Variants in COL8A1 observed in about 807,000 individuals in gnomAD.
The protein encoded by COL8A1 is collagen type VIII alpha 1 chain, also known as collagen alpha-1(VIII) chain.
A neutral mutation model predicts 42.7 loss-of-function variants in COL8A1; 21 were observed. The ratio of observed to expected loss-of-function variants is 0.49; its 90% CI spans 0.35 to 0.71. The LOEUF (loss-of-function observed/expected upper bound fraction) is 0.71. Ranked by LOEUF, COL8A1 falls within the 30% of genes least tolerant of loss-of-function variation. COL8A1 has a pLI of 0.01. For missense variants in COL8A1, 788 were observed against 962.4 expected, an observed-to-expected ratio of 0.82 and a Z score of 2.40; for synonymous variants, 367 against 369.1, an observed-to-expected ratio of 0.99 and a Z score of 0.06.
Position 99,798,656 on chromosome 3 carries a change from G to A in COL8A1, c.*2520G>A, listed in dbSNP as rs1361471583. Reference sequence around the variant, plus strand: ...TGTGTGTGCGCGTGAGCGCACGTGTGTGTATGCGTGCGCATGTGTGTGTAT... The same window carrying A: ...TGTGTGTGCGCGTGAGCGCACGTGTATGTATGCGTGCGCATGTGTGTGTAT... On this transcript the variant is annotated 3_prime_UTR_variant, in exon 4 of 4. Transcript: ENST00000652472. The A allele has an allele frequency of 6.6e-6, 1 of 152,084 alleles. No individual in the cohort carries two copies. Among genetic ancestry groups the A allele is most frequent in the African/African-American group, 2.4e-5 (1 of 41,422 alleles). 9.4% of individuals were successfully genotyped at this position (152,084 alleles called of 1,614,324 possible). A position where few individuals can be genotyped will look rare whatever the true frequency, so the allele number is the denominator to read the frequency against.
chr3:99,728,572 T>A (rs1940406133), intron 1 of COL8A1, among the ~76,000 whole-genome samples: 1 of 152,064 alleles, frequency 6.6e-6, no homozygotes, highest in African/African-American at 2.4e-5. Context: ...ATAATACAAC[T>A]TTTAACCTCA....
intron 3 of COL8A1, among the ~76,000 whole-genome samples, chr3:99,792,629 G>A (rs1942023171): frequency 6.6e-6 from 1 of 152,186 alleles, no homozygotes; most frequent in African/African-American, 2.4e-5. Context: ...TAGGCAAGCA[G>A]AGATGCTGAC....
chr3:99,736,009 AT>A (rs1279601045), intron 1 of COL8A1, among the ~76,000 whole-genome samples: 5 of 146,694 alleles, frequency 3.4e-5, no homozygotes, highest in South Asian at 2.2e-4. Flanking sequence ...CCCCTTTATC[AT>A]TTTTTATTGC....
At chr3:99,731,331 G>A (rs1940502683) in intron 1 of COL8A1, among the ~76,000 whole-genome samples, 1 of 152,084 alleles carries the variant, frequency 6.6e-6, no homozygotes, top group Admixed American at 6.6e-5. Context: ...GCCATGCAGT[G>A]CTCTGGAGGA....
chr3:99,796,426 G>T lies in COL8A1; in HGVS notation c.*290G>T, dbSNP rs1010675194. On this transcript the variant is annotated 3_prime_UTR_variant, in exon 4 of 4. Coordinates refer to ENST00000652472, the MANE Select transcript of COL8A1 (RefSeq NM_020351.4). ...CTGTTTTATGTTATATGCTTCCACA[G>T]TAACCTGCTTATTCAGATCAGTCAA... 3.9e-6 allele frequency: 1 copy of T among 255,204 alleles called. No individual in the cohort carries two copies. Among genetic ancestry groups the T allele is most frequent in the African/African-American group, 2.2e-5 (1 of 45,398 alleles). The allele number at this position is 255,204 out of a possible 1,614,324, so 15.8% of individuals were successfully genotyped here. A position where few individuals can be genotyped will look rare whatever the true frequency, so the allele number is the denominator to read the frequency against.
rs116587716 is a variant in COL8A1 at position 99,692,427 on chromosome 3, A to T, written c.-128-52470A>T. 1.7e-3 allele frequency among the ~76,000 whole-genome samples: 264 copies of T among 152,356 alleles called. 2 individuals are homozygous for T. The highest frequency in any genetic ancestry group is 5.8e-3 in the African/African-American group (243 of 41,584). ...GACATTTGTATATTCCCTGGTAACA[A>T]GTCTCTTTTGCCTTGGGGCAATCTT... is the stretch of plus-strand genomic sequence containing the variant. On this transcript the variant is annotated intron_variant, in intron 1 of 3. Coordinates refer to ENST00000652472, the MANE Select transcript of COL8A1 (RefSeq NM_020351.4).
intron 1 of COL8A1, among the ~76,000 whole-genome samples, chr3:99,688,756 G>C (rs369726768): frequency 6.6e-6 from 1 of 152,088 alleles, no homozygotes; most frequent in African/African-American, 2.4e-5. Context: ...CAGTGAGCCC[G>C]TGTGATTGAG....
intron 1 of COL8A1, among the ~76,000 whole-genome samples, chr3:99,741,311 G>A (rs1940892355): frequency 2.0e-5 from 3 of 151,964 alleles, no homozygotes; most frequent in African/African-American, 7.3e-5. Context: ...CTTTATATTG[G>A]AAGGATACTA....
At chr3:99,712,721 T>C (rs1939875098) in intron 1 of COL8A1, among the ~76,000 whole-genome samples, 1 of 152,098 alleles carries the variant, frequency 6.6e-6, no homozygotes, top group East Asian at 1.9e-4. Context: ...AACTGAGAAT[T>C]AGACAGACAT....
chr3:99,677,823 G>A (rs1267156670), intron 1 of COL8A1: 2 of 152,168 alleles, frequency 1.3e-5, no homozygotes, highest in Non-Finnish European at 2.9e-5. Flanking sequence ...CAAAGAGCTA[G>A]GACTTGGCCA....
intron 1 of COL8A1, among the ~76,000 whole-genome samples, chr3:99,673,852 C>T (rs1938615411): frequency 6.6e-6 from 1 of 151,930 alleles, no homozygotes; most frequent in South Asian, 2.1e-4. Context: ...CCTCAGTTTC[C>T]ATATCTGAAC....
chr3:99,652,997 A>G (rs1014683415), intron 1 of COL8A1, among the ~76,000 whole-genome samples: 16 of 152,328 alleles, frequency 1.1e-4, no homozygotes, highest in African/African-American at 3.6e-4. Flanking sequence ...TGAACAACGC[A>G]GCCATCCTGG....
At chr3:99,694,781 C>T (rs145170145) in intron 1 of COL8A1, among the ~76,000 whole-genome samples, 8 of 152,260 alleles carry the variant, frequency 5.3e-5, no homozygotes, top group Admixed American at 3.3e-4. Flanking sequence ...CAGCATTCTT[C>T]AGTGTGACAA....
At chr3:99,735,231 T>TTTTCA in intron 1 of COL8A1, among the ~76,000 whole-genome samples, 1 of 141,436 alleles carries the variant, frequency 7.1e-6, no homozygotes, top group Non-Finnish European at 1.5e-5. Context: ...CTTGTGCCAG[T>TTTTCA]TTTCAAAGGG....
intron 1 of COL8A1, among the ~76,000 whole-genome samples, chr3:99,711,690 C>T (rs1037790356): frequency 2.6e-5 from 4 of 152,036 alleles, no homozygotes; most frequent in African/African-American, 7.2e-5. Context: ...AATCACATCA[C>T]GGCTTAGCAG....
chr3:99,780,225 AT>A (rs1167805045), intron 2 of COL8A1, among the ~76,000 whole-genome samples: 1 of 152,230 alleles, frequency 6.6e-6, no homozygotes, highest in Non-Finnish European at 1.5e-5. Flanking sequence ...TAATGTTATC[AT>A]CAGCAGCAAT....
intron 1 of COL8A1, among the ~76,000 whole-genome samples, chr3:99,660,500 A>C (rs139892964): frequency 0.012 from 1,762 of 152,210 alleles, 33 homozygotes; most frequent in African/African-American, 0.04. Context: ...TCCAGCCCCT[A>C]AAACCGGAAG....
Position 99,796,275 on chromosome 3 carries a change from A to AT in COL8A1, c.*141dup, listed in dbSNP as rs976760378. On this transcript the variant is annotated 3_prime_UTR_variant, in exon 4 of 4. Transcript: ENST00000652472. Reference sequence around the variant, plus strand: ...TTATATGTAAGTGAAAATTTGGACCATTGTGTACAAATAAAAACTAAGATG... The same window carrying AT: ...TTATATGTAAGTGAAAATTTGGACCATTTGTGTACAAATAAAAACTAAGATG... 2 of 666,316 alleles carry AT rather than the reference A, an allele frequency of 3.0e-6. No homozygotes were observed. Among genetic ancestry groups the AT allele is most frequent in the Admixed American group, 3.4e-5 (1 of 29,742 alleles). The allele number at this position is 666,316 out of a possible 1,614,324, so 41.3% of individuals were successfully genotyped here.
At position 99,718,430 on chromosome 3, in the gene COL8A1, A is replaced by C. The variant is rs577430426; in HGVS notation, c.-128-26467A>C. On this transcript the variant is annotated intron_variant, in intron 1 of 3. Coordinates refer to ENST00000652472, the MANE Select transcript of COL8A1 (RefSeq NM_020351.4). ...AACCATTCTTAGTTAAGTTCTGGGA[A>C]TCCTCAATGCTAATACAAAAACTGA... Among the ~76,000 whole-genome samples the C allele has an allele frequency of 9.2e-5, 14 of 152,162 alleles. 1 individual carries two copies. The South Asian group carries it at 1.9e-3, about 20-fold the overall frequency.
Sources: allele counts gnomAD v4.1 joint callset (sites outside exome capture counted in the v4.1 genomes callset), GRCh38; gene constraint gnomAD v4.1.1; transcripts MANE v1.5; gene names NCBI Gene and HGNC (gene_info 2026-07-23, HGNC 2026-07-21).